SLC11A2: variants seen among roughly 807,000 people sequenced by gnomAD.
The protein encoded by SLC11A2 is natural resistance-associated macrophage protein 2.
Under a neutral mutation model 68.0 loss-of-function variants are expected in SLC11A2, and 38 were observed. The ratio of observed to expected loss-of-function variants is 0.56; its 90% CI spans 0.43 to 0.73. The LOEUF (loss-of-function observed/expected upper bound fraction) is 0.73. SLC11A2 is among the 30% of genes least tolerant of loss of function. The pLI is 0.00. For synonymous variants in SLC11A2, 242 were observed against 250.6 expected (o/e 0.97, Z 0.32); for missense variants, 517 against 690.5 (o/e 0.75, Z 2.82).
At chr12:51,001,459 G>A (rs1942218515) in intron 5 of SLC11A2, among the ~76,000 whole-genome samples, 1 of 151,626 alleles carries the variant, frequency 6.6e-6, no homozygotes, top group Admixed American at 6.6e-5. Context: ...TCGGGGTGAT[G>A]TAATAATATG....
At chr12:51,019,644 CT>C (rs767266753) in intron 1 of SLC11A2, among the ~76,000 whole-genome samples, 3,801 of 135,726 alleles carry the variant, frequency 0.028, 99 homozygotes, top group African/African-American at 0.092. Context: ...ATCCATCCAA[CT>C]TTTTTTTTTT....
downstream of SLC11A2, among the ~76,000 whole-genome samples, chr12:50,982,749 G>A (rs962825961): frequency 3.3e-5 from 5 of 151,976 alleles, no homozygotes; most frequent in African/African-American, 1.2e-4. Context: ...TTCAAGACCA[G>A]CCTGACCAAC....
At position 50,992,185 on chromosome 12, in the gene SLC11A2, C is replaced by T; in HGVS notation, c.1347+5G>A. 6.2e-7 allele frequency: 1 copy of T among 1,613,858 alleles called. No homozygotes were observed. The highest frequency in any genetic ancestry group is 8.5e-7 in the Non-Finnish European group (1 of 1,179,816). ...TAGGATGTGTTTCCTCAGCTTCCTC[C>T]TCACCTGTAAGCTCTGTAGAACATT... On this transcript the variant is annotated splice_donor_5th_base_variant and intron_variant, in intron 13 of 15. Transcript: ENST00000262052.
At chr12:51,028,260 T>C (rs1399378620), upstream of SLC11A2, 16 of 1,518,766 alleles carry the variant, frequency 1.1e-5, no homozygotes, top group Non-Finnish European at 1.4e-5. Context: ...CAATGCCAGC[T>C]CCTGCCTCTA....
the SLC11A2 span, among the ~76,000 whole-genome samples, chr12:50,967,422 C>T: frequency 5.3e-5 from 8 of 152,178 alleles, no homozygotes; most frequent in South Asian, 1.2e-3. Context: ...GCTGGGATTA[C>T]GGGCATGAGC....
At chr12:51,019,920 C>G (rs1221628351) in intron 1 of SLC11A2, among the ~76,000 whole-genome samples, 1 of 152,108 alleles carries the variant, frequency 6.6e-6, no homozygotes, top group Non-Finnish European at 1.5e-5. Context: ...GCTGGGATTA[C>G]AGGTATGAGC....
intron 5 of SLC11A2, among the ~76,000 whole-genome samples, chr12:51,002,653 A>AAAAAAAAAAAAG (rs57712551): frequency 1.3e-5 from 2 of 150,528 alleles, no homozygotes; most frequent in South Asian, 2.1e-4. Flanking sequence ...AAAAAAAAAA[A>AAAAAAAAAAAAG]GGGCAGAGCC....
downstream of SLC11A2, among the ~76,000 whole-genome samples, chr12:50,983,039 A>T (rs556475443): frequency 3.3e-5 from 5 of 150,446 alleles, no homozygotes; most frequent in East Asian, 7.8e-4. Context: ...TTTTTTTTGT[A>T]GAGACAAGGC....
chr12:50,982,662 G>A (rs1162727939), downstream of SLC11A2, among the ~76,000 whole-genome samples: 10 of 151,606 alleles, frequency 6.6e-5, no homozygotes, highest in South Asian at 6.3e-4. Context: ...AAACAATTCC[G>A]ACTGGGCACG....
In SLC11A2 at chr12:50,986,250, C is replaced by T. The variant is rs1592301061; in HGVS notation, c.*2075G>A. 7.8e-7 allele frequency: 1 copy of T among 1,285,128 alleles called. No individual in the cohort carries two copies. The highest frequency in any genetic ancestry group is 1.0e-6 in the Non-Finnish European group (1 of 986,764). The allele number at this position is 1,285,128 out of a possible 1,614,324, so 79.6% of individuals were successfully genotyped here. On this transcript the variant is annotated 3_prime_UTR_variant, in exon 16 of 16. Transcript: ENST00000262052. ...ATTCCACATAAACACACTGTCAAAA[C>T]TCACTGGATATGCTGGAATTGGAGG...
chr12:50,968,095 G>T, the SLC11A2 span, among the ~76,000 whole-genome samples: 19,561 of 139,482 alleles, frequency 0.14, 1,720 homozygotes, highest in East Asian at 0.43. Context: ...CAAATAATAA[G>T]AAGAAGAAGG....
the SLC11A2 span, among the ~76,000 whole-genome samples, chr12:50,971,025 C>CCCA: frequency 6.6e-6 from 1 of 152,038 alleles, no homozygotes. Flanking sequence ...ATTACAAGCA[C>CCCA]CCACCACCAC....
At position 51,009,169 on chromosome 12, in the gene SLC11A2, G is replaced by A. The variant is rs1211090692; in HGVS notation, c.35-545C>T. 4.7e-6 allele frequency: 7 copies of A among 1,494,738 alleles called. No homozygotes were observed. In the Admixed American group the frequency reaches 7.1e-5, roughly 15 times the overall value. 92.6% of individuals were successfully genotyped at this position (1,494,738 alleles called of 1,614,324 possible). A position where few individuals can be genotyped will look rare whatever the true frequency, so the allele number is the denominator to read the frequency against. ...CTCCATCAGACTTCTCAAAAAATGT[G>A]CAAGTTACAAAATCCTGCCACAGTT... On this transcript the variant is annotated intron_variant, in intron 2 of 15. Transcript: ENST00000262052.
At chr12:50,955,034 G>C in the SLC11A2 span, among the ~76,000 whole-genome samples, 1 of 152,138 alleles carries the variant, frequency 6.6e-6, no homozygotes, top group African/African-American at 2.4e-5. Flanking sequence ...GCTCACTCCT[G>C]TAATCCCAGC....
At chr12:50,961,085 T>C in the SLC11A2 span, 2 of 1,613,962 alleles carry the variant, frequency 1.2e-6, no homozygotes, top group South Asian at 2.2e-5. Context: ...GGATTTGTTG[T>C]TGGAGCTGTG....
At chr12:50,994,416 G>T in intron 11 of SLC11A2, 128 bp downstream of exon 11, 1 of 715,278 alleles carries the variant, frequency 1.4e-6, no homozygotes, top group Non-Finnish European at 2.6e-6. Flanking sequence ...TCTGGTGTCT[G>T]GAACTCTGAA....
At chr12:50,970,399 T>C in the SLC11A2 span, 2 of 991,556 alleles carry the variant, frequency 2.0e-6, no homozygotes, top group African/African-American at 1.6e-5. Flanking sequence ...TCAGTGTTTG[T>C]TTCCCATGGA....
chr12:51,000,052 G>A (rs1036196909), intron 6 of SLC11A2, among the ~76,000 whole-genome samples: 5 of 151,884 alleles, frequency 3.3e-5, no homozygotes, highest in African/African-American at 7.3e-5. Context: ...AGTATCTAGC[G>A]GGATAAAATG....
At chr12:50,992,133 G>A (rs1941211720) in intron 13 of SLC11A2, 57 bp downstream of exon 13, 1 of 1,565,550 alleles carries the variant, frequency 6.4e-7, no homozygotes, top group Non-Finnish European at 8.8e-7. Context: ...GGTACCCAAG[G>A]GCAGTACATA....
Sources: gnomAD v4.1 joint callset for allele counts (sites outside exome capture counted in the v4.1 genomes callset) on GRCh38, gnomAD v4.1.1 for gene constraint, MANE v1.5 for transcripts, NCBI Gene and HGNC (gene_info 2026-07-23, HGNC 2026-07-21) for gene names.